The following AK8 variants were observed in gnomAD, a reference collection of about 807,000 sequenced individuals.
AK8 encodes the protein ATP-AMP transphosphorylase 8.
A neutral mutation model predicts 54.6 loss-of-function variants in AK8; 44 were observed. The ratio of observed to expected loss-of-function variants is 0.81; its 90% CI spans 0.63 to 1.04. The LOEUF (loss-of-function observed/expected upper bound fraction) is 1.04, where lower values mean the gene tolerates loss of function less well. Ranked by LOEUF, AK8 falls within the 50% of genes least tolerant of loss-of-function variation. The probability of loss-of-function intolerance (pLI) is 0.00; values close to 1 mark genes in which losing one functional copy is unlikely to be tolerated. For synonymous variants in AK8, 239 were observed against 245.6 expected (o/e 0.97, Z 0.25); for missense variants, 555 against 613.6 (o/e 0.90, Z 1.01).
At chr9:132,823,776 C>T (rs753764639) in intron 8 of AK8, among the ~76,000 whole-genome samples, 1 of 152,222 alleles carries the variant, frequency 6.6e-6, no homozygotes, top group Non-Finnish European at 1.5e-5. Context: ...TAGAAGTGCA[C>T]GCTGGCTTTC....
At position 132,799,397 on chromosome 9, in the gene AK8, C is replaced by T. The variant is rs1388737862; in HGVS notation, c.980-6622G>A. Among the ~76,000 whole-genome samples the T allele has an allele frequency of 6.6e-6, 1 of 152,118 alleles. No individual in the cohort carries two copies. On this transcript the variant is annotated intron_variant, in intron 10 of 12. Coordinates refer to ENST00000298545, the MANE Select transcript of AK8 (RefSeq NM_152572.3). The surrounding 1 kb of genome is among the most constrained non-coding windows in gnomAD (Gnocchi z 5.0). ...ACTCACGACAAGCCATGTGAGCCTC[C>T]TTGGCACCCTAGGGCAAACAGGAAA...
At chr9:132,732,498 G>A (rs2130943622) in intron 11 of AK8, among the ~76,000 whole-genome samples, 1 of 152,280 alleles carries the variant, frequency 6.6e-6, no homozygotes, top group East Asian at 1.9e-4. Flanking sequence ...CAGTCTGAGT[G>A]CTGGCTCCTC....
intron 5 of AK8, among the ~76,000 whole-genome samples, chr9:132,848,712 G>T: frequency 6.6e-6 from 1 of 152,244 alleles, no homozygotes; most frequent in South Asian, 2.1e-4. Context: ...TGCTAGAAGT[G>T]GGGGGTGCTG....
intron 4 of AK8, among the ~76,000 whole-genome samples, chr9:132,857,580 C>A (rs1361452354): frequency 6.6e-6 from 1 of 152,194 alleles, no homozygotes; most frequent in Non-Finnish European, 1.5e-5. Flanking sequence ...AGGTCCTCTC[C>A]TGACCCCAGG....
intron 11 of AK8, among the ~76,000 whole-genome samples, chr9:132,731,262 G>A (rs969422636): frequency 6.6e-6 from 1 of 152,216 alleles, no homozygotes; most frequent in Non-Finnish European, 1.5e-5. Flanking sequence ...AACTAAGTAT[G>A]GTGTCAGGAG....
intron 11 of AK8, among the ~76,000 whole-genome samples, chr9:132,733,546 C>T (rs909601279): frequency 3.5e-4 from 54 of 152,368 alleles, no homozygotes; most frequent in African/African-American, 1.2e-3. Flanking sequence ...CAAGATGTGA[C>T]GCACAAGGAC....
At chr9:132,749,700 CTGTT>C (rs1489928719) in intron 11 of AK8, among the ~76,000 whole-genome samples, 1 of 149,102 alleles carries the variant, frequency 6.7e-6, no homozygotes, top group Non-Finnish European at 1.5e-5. Flanking sequence ...TTCATTTACT[CTGTT>C]TTTTTTTTTT....
chr9:132,808,821 CAGA>C (rs1840848619), intron 10 of AK8, among the ~76,000 whole-genome samples: 1 of 152,184 alleles, frequency 6.6e-6, no homozygotes, highest in Non-Finnish European at 1.5e-5. Context: ...GAAAGACCAG[CAGA>C]AGGCCAGCAG....
At chr9:132,728,195 T>C (rs1836663602) in intron 11 of AK8, among the ~76,000 whole-genome samples, 1 of 152,208 alleles carries the variant, frequency 6.6e-6, no homozygotes, top group Admixed American at 6.5e-5. Context: ...TGCTCAGGGC[T>C]CTGGGATACC....
intron 5 of AK8, among the ~76,000 whole-genome samples, chr9:132,851,886 C>T (rs1478598611): frequency 1.3e-5 from 2 of 152,170 alleles, no homozygotes; most frequent in Non-Finnish European, 2.9e-5. Flanking sequence ...AATTACTTAG[C>T]GCAGGGAGAA....
chr9:132,727,313 G>A lies in AK8; in HGVS notation c.1202+141C>T. On this transcript the variant is annotated intron_variant, in intron 12 of 12. Transcript: ENST00000298545. ...CAGATATTGCACAGAACAGCCAGTT[G>A]GATAAAGTCCATTTTGATAATCGTC... The A allele has an allele frequency of 2.6e-6, 2 of 782,642 alleles. 1 individual carries two copies. Among genetic ancestry groups the A allele is most frequent in the South Asian group, 3.2e-5 (2 of 62,446 alleles). The allele number at this position is 782,642 out of a possible 1,614,324, so 48.5% of individuals were successfully genotyped here.
chr9:132,828,573 G>T, intron 6 of AK8, 72 bp downstream of exon 6: 2 of 1,368,768 alleles, frequency 1.5e-6, no homozygotes, highest in Non-Finnish European at 2.0e-6. Flanking sequence ...CAGGCAGCAT[G>T]AGCGGGGCGC....
At position 132,777,110 on chromosome 9, in the gene AK8, G is replaced by A. The variant is rs148927510; in HGVS notation, c.1121+15524C>T. Among the ~76,000 whole-genome samples the A allele has an allele frequency of 1.0e-3, 156 of 152,318 alleles. 2 individuals carry two copies. The highest frequency in any genetic ancestry group is 3.4e-3 in the Middle Eastern group (1 of 294). On this transcript the variant is annotated intron_variant, in intron 11 of 12. Transcript: ENST00000298545. ...AACTCTACCCCGCAAAGCCAGCCCA[G>A]GGGAAGCAGGCTGCTCAGAGGGGCC...
At chr9:132,800,210 C>T (rs1053346899) in intron 10 of AK8, among the ~76,000 whole-genome samples, 1 of 152,316 alleles carries the variant, frequency 6.6e-6, no homozygotes, top group Middle Eastern at 3.4e-3. Flanking sequence ...CCTGCAAGCC[C>T]GTCTCGCTGC....
intron 11 of AK8, among the ~76,000 whole-genome samples, chr9:132,776,954 T>C (rs550077113): frequency 6.6e-6 from 1 of 152,308 alleles, no homozygotes; most frequent in South Asian, 2.1e-4. Flanking sequence ...TCCAAAATTA[T>C]TTAAATTAGC....
intron 1 of AK8, among the ~76,000 whole-genome samples, chr9:132,876,829 C>T (rs947076173): frequency 1.3e-5 from 2 of 151,970 alleles, no homozygotes; most frequent in Admixed American, 1.3e-4. Flanking sequence ...GAGGCCGAGG[C>T]AGAAGGACTG....
chr9:132,826,739 C>T lies in AK8; in HGVS notation c.757+115G>A. On this transcript the variant is annotated intron_variant, in intron 8 of 12. Coordinates refer to ENST00000298545, the MANE Select transcript of AK8 (RefSeq NM_152572.3). The surrounding 1 kb of genome is among the most constrained non-coding windows in gnomAD (Gnocchi z 4.5). ...TCATCTATGTCTTGACTTCCAGGGT[C>T]CCAGGCATGTCCCAGACACTGGCCA... is the stretch of plus-strand genomic sequence containing the variant. 8.1e-7 allele frequency: 1 copy of T among 1,228,288 alleles called. No individual in the cohort carries two copies. Among genetic ancestry groups the T allele is most frequent in the East Asian group, 2.4e-5 (1 of 42,058 alleles). 76.1% of individuals were successfully genotyped at this position (1,228,288 alleles called of 1,614,324 possible).
intron 5 of AK8, among the ~76,000 whole-genome samples, chr9:132,833,670 C>T (rs887886179): frequency 2.0e-5 from 3 of 152,054 alleles, no homozygotes; most frequent in Non-Finnish European, 4.4e-5. Flanking sequence ...TGCACAGCTG[C>T]GAGGGGTATG....
At chr9:132,782,685 G>A (rs1307206066) in intron 11 of AK8, among the ~76,000 whole-genome samples, 4 of 146,846 alleles carry the variant, frequency 2.7e-5, no homozygotes, top group African/African-American at 8.1e-5. Flanking sequence ...GCGAAATTCC[G>A]TCTCAAAAAA....
Sources: gnomAD v4.1 joint callset for allele counts (sites outside exome capture counted in the v4.1 genomes callset) on GRCh38, gnomAD v4.1.1 for gene constraint, Gnocchi (gnomAD v3.1) non-coding constraint, MANE v1.5 for transcripts, NCBI Gene and HGNC (gene_info 2026-07-23, HGNC 2026-07-21) for gene names.